Variants in CNTN5 observed in about 807,000 individuals in gnomAD.
CNTN5 encodes the protein contactin-5.
In CNTN5, 77 loss-of-function variants were observed where a neutral mutation model predicts 129.1. The observed-to-expected ratio is 0.60, with a 90% confidence interval of 0.50 to 0.72. The LOEUF is 0.72. CNTN5 is among the 30% of genes least tolerant of loss of function. The pLI is 0.00. For missense variants in CNTN5, 1,478 were observed against 1,328.8 expected (o/e 1.11, Z -1.75); for synonymous variants, 509 against 465.6 (o/e 1.09, Z -1.20).
intron 3 of CNTN5, among the ~76,000 whole-genome samples, chr11:99,716,912 G>A (rs1475964031): frequency 1.3e-5 from 2 of 152,080 alleles, no homozygotes; most frequent in Admixed American, 6.6e-5. Context: ...AATAGAAAAT[G>A]TTTAAGATAT....
chr11:100,197,504 A>G (rs1017529208), intron 15 of CNTN5, among the ~76,000 whole-genome samples: 2 of 151,962 alleles, frequency 1.3e-5, no homozygotes, highest in Admixed American at 6.6e-5. Context: ...ACCAAATAAA[A>G]GCATTTACTA....
At chr11:100,051,771 G>T (rs532799124) in intron 9 of CNTN5, among the ~76,000 whole-genome samples, 1 of 151,754 alleles carries the variant, frequency 6.6e-6, no homozygotes, top group Admixed American at 6.6e-5. Flanking sequence ...ACATCACTAC[G>T]TCTCTATCCT....
At chr11:100,005,688 ATTT>A (rs1490320899) in intron 9 of CNTN5, among the ~76,000 whole-genome samples, 1 of 152,130 alleles carries the variant, frequency 6.6e-6, no homozygotes, top group Non-Finnish European at 1.5e-5. Context: ...CTTAAGAAGG[ATTT>A]GTTTGTTGCC....
chr11:100,186,239 G>A (rs375880457), intron 13 of CNTN5, among the ~76,000 whole-genome samples: 1 of 152,056 alleles, frequency 6.6e-6, no homozygotes, highest in Non-Finnish European at 1.5e-5. Flanking sequence ...AGGCATGGTG[G>A]TGCATGCCTG....
At chr11:99,742,736 C>G (rs1210725696) in intron 3 of CNTN5, among the ~76,000 whole-genome samples, 1 of 152,140 alleles carries the variant, frequency 6.6e-6, no homozygotes, top group East Asian at 1.9e-4. Context: ...ATCTGTCATC[C>G]TGCCTAGCGT....
At chr11:99,171,706 G>A (rs552721050) in intron 1 of CNTN5, among the ~76,000 whole-genome samples, 69 of 152,198 alleles carry the variant, frequency 4.5e-4, no homozygotes, top group Non-Finnish European at 4.0e-4. Flanking sequence ...AAAACTCTTC[G>A]TGTTATGCCA....
intron 18 of CNTN5, among the ~76,000 whole-genome samples, chr11:100,292,074 A>G (rs1443549386): frequency 1.3e-5 from 2 of 151,906 alleles, no homozygotes; most frequent in East Asian, 1.9e-4. Flanking sequence ...ATCTAATTCC[A>G]TGGTCTCTCA....
At chr11:99,168,587 A>AACAAAACAAG in intron 1 of CNTN5, among the ~76,000 whole-genome samples, 1 of 151,296 alleles carries the variant, frequency 6.6e-6, no homozygotes. Context: ...CTCAAAACAA[A>AACAAAACAAG]ACAAAACAAA....
intron 21 of CNTN5, among the ~76,000 whole-genome samples, chr11:100,334,094 A>C (rs1000041319): frequency 6.6e-6 from 1 of 152,182 alleles, no homozygotes; most frequent in Non-Finnish European, 1.5e-5. Context: ...AAGAAAATAA[A>C]CGATCCCATC....
chr11:99,336,800 C>T (rs921740107), intron 2 of CNTN5, among the ~76,000 whole-genome samples: 8 of 151,528 alleles, frequency 5.3e-5, no homozygotes, highest in African/African-American at 1.9e-4. Flanking sequence ...TGCACTCCAG[C>T]CTGGGTGACA....
At chr11:99,885,274 C>A (rs1266494229) in intron 6 of CNTN5, among the ~76,000 whole-genome samples, 1 of 151,710 alleles carries the variant, frequency 6.6e-6, no homozygotes, top group Non-Finnish European at 1.5e-5. Flanking sequence ...AGGGCAAGAT[C>A]CTGTCTCAAA....
intron 3 of CNTN5, among the ~76,000 whole-genome samples, chr11:99,695,640 C>T (rs79446478): frequency 0.027 from 4,111 of 151,984 alleles, 171 homozygotes; most frequent in African/African-American, 0.091. Context: ...GTAATCCCAG[C>T]GCTTTGGGAG....
intron 1 of CNTN5, among the ~76,000 whole-genome samples, chr11:99,062,904 T>C (rs2135218718): frequency 6.6e-6 from 1 of 152,170 alleles, no homozygotes; most frequent in South Asian, 2.1e-4. Context: ...GCAAGGAAGT[T>C]GACAAGAAGT....
At chr11:99,286,575 G>A (rs1448634311) in intron 1 of CNTN5, among the ~76,000 whole-genome samples, 1 of 151,992 alleles carries the variant, frequency 6.6e-6, no homozygotes, top group African/African-American at 2.4e-5. Context: ...TAACACATAG[G>A]CCATCAATGA....
chr11:100,127,700 C>G (rs752386311), intron 13 of CNTN5, among the ~76,000 whole-genome samples: 2 of 135,998 alleles, frequency 1.5e-5, no homozygotes, highest in Non-Finnish European at 3.1e-5. Flanking sequence ...CTCTTGTCAC[C>G]CAGGCTGGAG....
chr11:100,047,407 G>A (rs1942738334), intron 9 of CNTN5, among the ~76,000 whole-genome samples: 1 of 152,048 alleles, frequency 6.6e-6, no homozygotes, highest in South Asian at 2.1e-4. Context: ...AAATAAATTA[G>A]CTGCATGCCA....
rs148955005 is a variant in CNTN5 at position 99,932,222 on chromosome 11, G to A, written c.673+16073G>A. Among the ~76,000 whole-genome samples, 737 of 152,094 alleles carry A rather than the reference G, an allele frequency of 4.8e-3. 6 individuals are homozygous for A. Among genetic ancestry groups the A allele is most frequent in the Non-Finnish European group, 5.7e-3 (386 of 67,994 alleles). On this transcript the variant is annotated intron_variant, in intron 7 of 24. Coordinates refer to ENST00000524871, the MANE Select transcript of CNTN5 (RefSeq NM_014361.4). ...TTTTATTTTTTTGAGACGGAGTCTC[G>A]CTGTTGTCAGCCCGGGCTGGAGTTC...
intron 2 of CNTN5, among the ~76,000 whole-genome samples, chr11:99,342,303 G>T (rs1486598148): frequency 6.6e-6 from 1 of 151,868 alleles, no homozygotes; most frequent in African/African-American, 2.4e-5. Flanking sequence ...TGAGGAGAGG[G>T]ATATATATGG....
chr11:99,266,533 T>C lies in CNTN5; in HGVS notation c.-209-58813T>C, dbSNP rs1862902964. ...TGGAGGATTGCTTGATCCTAGGAGTTTGAGGCTGTAGTGAGTAATCATTGC... is the reference window on the plus strand; with the variant it reads ...TGGAGGATTGCTTGATCCTAGGAGTCTGAGGCTGTAGTGAGTAATCATTGC... On this transcript the variant is annotated intron_variant, in intron 1 of 24. Coordinates refer to ENST00000524871, the MANE Select transcript of CNTN5 (RefSeq NM_014361.4). Among the ~76,000 whole-genome samples the C allele has an allele frequency of 5.9e-5, 9 of 152,130 alleles. No individual in the cohort carries two copies. The South Asian group carries it at 1.9e-3, about 32-fold the overall frequency.
Sources: allele counts gnomAD v4.1 joint callset (sites outside exome capture counted in the v4.1 genomes callset), GRCh38; gene constraint gnomAD v4.1.1; transcripts MANE v1.5; gene names NCBI Gene and HGNC (gene_info 2026-07-23, HGNC 2026-07-21).